Variants in ARB2A observed in about 807,000 individuals in gnomAD.
ARB2A encodes the protein cotranscriptional regulator ARB2A.
chr5:94,097,888 A>G, the ARB2A span, among the ~76,000 whole-genome samples: 1 of 146,022 alleles, frequency 6.8e-6, no homozygotes, highest in African/African-American at 2.5e-5. Context: ...ACACACGAAC[A>G]CAGATCCCTC....
chr5:93,751,951 A>C, the ARB2A span, among the ~76,000 whole-genome samples: 6 of 152,170 alleles, frequency 3.9e-5, no homozygotes, highest in Admixed American at 3.9e-4. Flanking sequence ...AAGTGAGCCC[A>C]GGCACACCAC....
the ARB2A span, among the ~76,000 whole-genome samples, chr5:93,838,843 C>T: frequency 6.1e-3 from 932 of 152,188 alleles, 7 homozygotes; most frequent in Non-Finnish European, 7.4e-3. Flanking sequence ...TGGCTCTCAG[C>T]TTGACTGTTG....
chr5:93,990,060 G>C, the ARB2A span, among the ~76,000 whole-genome samples: 4 of 152,070 alleles, frequency 2.6e-5, no homozygotes, highest in East Asian at 7.7e-4. Context: ...AAATAAAAAG[G>C]TTAGTAATAC....
At chr5:94,086,696 G>A in the ARB2A span, among the ~76,000 whole-genome samples, 7 of 152,048 alleles carry the variant, frequency 4.6e-5, no homozygotes, top group African/African-American at 1.7e-4. Flanking sequence ...GAGATTACAG[G>A]TGCCCGCCAC....
At chr5:93,855,783 G>C in the ARB2A span, among the ~76,000 whole-genome samples, 1 of 151,980 alleles carries the variant, frequency 6.6e-6, no homozygotes, top group African/African-American at 2.4e-5. Flanking sequence ...GTTGAATATT[G>C]GAAAGGACAT....
At chr5:93,658,096 T>G in the ARB2A span, among the ~76,000 whole-genome samples, 1 of 152,154 alleles carries the variant, frequency 6.6e-6, no homozygotes, top group Admixed American at 6.5e-5. Context: ...GACTTCTTAA[T>G]GTTTCTAGCA....
At chr5:93,953,730 C>T in the ARB2A span, among the ~76,000 whole-genome samples, 1 of 152,082 alleles carries the variant, frequency 6.6e-6, no homozygotes, top group East Asian at 1.9e-4. Context: ...AGTGAGTTCC[C>T]CTCAGCCCTG....
chr5:93,885,935 T>C, the ARB2A span, among the ~76,000 whole-genome samples: 1 of 151,744 alleles, frequency 6.6e-6, no homozygotes, highest in Non-Finnish European at 1.5e-5. Flanking sequence ...CAACAAATGA[T>C]GGCTTAGGTC....
the ARB2A span, among the ~76,000 whole-genome samples, chr5:94,089,673 CTCCAGTGCTTA>C: frequency 6.7e-6 from 1 of 150,308 alleles, no homozygotes; most frequent in Non-Finnish European, 1.5e-5. Context: ...AGCTGTAAGC[CTCCAGTGCTTA>C]CCTTTTGCAG....
At chr5:93,877,488 C>T in the ARB2A span, among the ~76,000 whole-genome samples, 1 of 152,056 alleles carries the variant, frequency 6.6e-6, no homozygotes, top group Non-Finnish European at 1.5e-5. Flanking sequence ...TCATAATATG[C>T]TCTGTACTAA....
At chr5:93,631,413 C>A in the ARB2A span, among the ~76,000 whole-genome samples, 3 of 152,188 alleles carry the variant, frequency 2.0e-5, no homozygotes, top group African/African-American at 7.2e-5. Context: ...AAGGTCTTGC[C>A]TCCAGGGTTA....
At chr5:93,816,748 T>C in the ARB2A span, among the ~76,000 whole-genome samples, 1 of 152,176 alleles carries the variant, frequency 6.6e-6, no homozygotes, top group Non-Finnish European at 1.5e-5. Flanking sequence ...AATCTTGGTG[T>C]GCATGAAGGA....
the ARB2A span, chr5:93,618,129 T>C: frequency 6.6e-6 from 1 of 151,716 alleles, no homozygotes; most frequent in Non-Finnish European, 1.5e-5. Flanking sequence ...CAGGAAAAGC[T>C]TGTGCTTTCC....
the ARB2A span, among the ~76,000 whole-genome samples, chr5:94,065,300 G>A: frequency 2.0e-5 from 3 of 152,310 alleles, 1 homozygote; most frequent in South Asian, 6.2e-4. Flanking sequence ...GATCACTTGA[G>A]CTCAGGAGTT....
chr5:94,076,859 T>C, the ARB2A span, among the ~76,000 whole-genome samples: 2 of 152,162 alleles, frequency 1.3e-5, no homozygotes, highest in Non-Finnish European at 2.9e-5. Context: ...CCCCAAATTG[T>C]CCGATTTCTG....
At chr5:94,050,032 T>C in the ARB2A span, among the ~76,000 whole-genome samples, 3 of 151,908 alleles carry the variant, frequency 2.0e-5, no homozygotes, top group African/African-American at 4.8e-5. Flanking sequence ...CTTGACTTCC[T>C]GGGCTCAAGT....
chr5:93,992,590 C>T, the ARB2A span, among the ~76,000 whole-genome samples: 1 of 151,992 alleles, frequency 6.6e-6, no homozygotes, highest in Non-Finnish European at 1.5e-5. Context: ...ATGTAATATA[C>T]ACCAGCGCTT....
the ARB2A span, among the ~76,000 whole-genome samples, chr5:93,778,389 A>G: frequency 6.6e-6 from 1 of 152,214 alleles, no homozygotes; most frequent in African/African-American, 2.4e-5. Flanking sequence ...TGTAAGAAAT[A>G]AGTATTCTCC....
chr5:93,969,784 A>G, the ARB2A span, among the ~76,000 whole-genome samples: 1 of 152,084 alleles, frequency 6.6e-6, no homozygotes, highest in South Asian at 2.1e-4. Context: ...CATTCATCTC[A>G]GCATTACTTC....
Sources: gnomAD v4.1 joint callset for allele counts (sites outside exome capture counted in the v4.1 genomes callset) on GRCh38, gnomAD v4.1.1 for gene constraint, MANE v1.5 for transcripts, NCBI Gene and HGNC (gene_info 2026-07-23, HGNC 2026-07-21) for gene names.